AGBL1: variants seen among roughly 807,000 people sequenced by gnomAD.
The protein encoded by AGBL1 is AGBL carboxypeptidase 1, also known as cytosolic carboxypeptidase 4.
Under a neutral mutation model 118.9 loss-of-function variants are expected in AGBL1, and 130 were observed. The observed-to-expected ratio is 1.09, with a 90% CI of 0.95 to 1.26. The LOEUF is 1.26. Among genes scored for constraint, AGBL1 ranks in the 50% most tolerant of loss-of-function variants. AGBL1 has a pLI of 0.00. For synonymous variants in AGBL1, 555 were observed against 478.9 expected, an observed-to-expected ratio of 1.16 and a Z score of -2.08; for missense variants, 1,584 against 1,298.1, an observed-to-expected ratio of 1.22 and a Z score of -3.38.
chr15:86,946,933 C>T (rs1428801450), intron 23 of AGBL1, among the ~76,000 whole-genome samples: 2 of 151,632 alleles, frequency 1.3e-5, no homozygotes, highest in Admixed American at 1.3e-4. Context: ...TTCATCCCTT[C>T]GCATGTCCCC....
At chr15:86,713,185 C>G (rs551759236) in intron 22 of AGBL1, among the ~76,000 whole-genome samples, 1 of 152,140 alleles carries the variant, frequency 6.6e-6, no homozygotes, top group Non-Finnish European at 1.5e-5. Context: ...GAAAGGGAGG[C>G]TAAGTATAGC....
intron 24 of AGBL1, among the ~76,000 whole-genome samples, chr15:87,021,287 A>G (rs1234382821): frequency 6.6e-6 from 1 of 152,190 alleles, no homozygotes; most frequent in Non-Finnish European, 1.5e-5. Flanking sequence ...ACTGGCAGCC[A>G]TATGCAGAAA....
intron 15 of AGBL1, among the ~76,000 whole-genome samples, chr15:86,272,417 T>C (rs1243662609): frequency 6.6e-6 from 1 of 152,168 alleles, no homozygotes; most frequent in Non-Finnish European, 1.5e-5. Context: ...AGAATATATA[T>C]AATTAATTAT....
chr15:86,905,647 G>T (rs79295016), intron 22 of AGBL1, among the ~76,000 whole-genome samples: 3,305 of 152,290 alleles, frequency 0.022, 74 homozygotes, highest in Admixed American at 0.062. Flanking sequence ...AACTATTGAG[G>T]TATTATTATT....
intron 22 of AGBL1, among the ~76,000 whole-genome samples, chr15:86,884,443 C>A (rs1445683644): frequency 1.3e-5 from 2 of 152,196 alleles, no homozygotes; most frequent in Non-Finnish European, 2.9e-5. Flanking sequence ...CCGAGGTTGA[C>A]CTCATGTAAC....
At chr15:86,168,014 A>G (rs1209523287) in intron 5 of AGBL1, among the ~76,000 whole-genome samples, 6 of 152,224 alleles carry the variant, frequency 3.9e-5, no homozygotes, top group African/African-American at 1.4e-4. Flanking sequence ...GGTATTCAAT[A>G]AATGCCAGTT....
intron 24 of AGBL1, among the ~76,000 whole-genome samples, chr15:87,004,148 A>G (rs1218296551): frequency 6.6e-6 from 1 of 152,162 alleles, no homozygotes; most frequent in Non-Finnish European, 1.5e-5. Context: ...TATGTCCCAG[A>G]GATTCTGGTA....
intron 17 of AGBL1, 122 bp downstream of exon 17, chr15:86,295,530 T>C (rs933802005): frequency 9.7e-5 from 95 of 983,772 alleles, no homozygotes; most frequent in Non-Finnish European, 3.3e-5. Context: ...TCTGTCTTTG[T>C]AGAAATACAC....
intron 18 of AGBL1, among the ~76,000 whole-genome samples, chr15:86,418,157 C>A (rs188988976): frequency 7.2e-5 from 11 of 152,248 alleles, no homozygotes; most frequent in African/African-American, 2.6e-4. Flanking sequence ...ACAAGAATTT[C>A]TTTTATCTTT....
intron 21 of AGBL1, among the ~76,000 whole-genome samples, chr15:86,593,468 C>T (rs938666290): frequency 6.6e-6 from 1 of 152,028 alleles, no homozygotes; most frequent in African/African-American, 2.4e-5. Context: ...AGAGTATGTT[C>T]TAAGTTTTCT....
intron 22 of AGBL1, among the ~76,000 whole-genome samples, chr15:86,758,709 T>C (rs891594374): frequency 2.0e-5 from 3 of 151,876 alleles, no homozygotes; most frequent in Non-Finnish European, 4.4e-5. Context: ...TGGTGGCTCG[T>C]ACCCAAAATC....
At chr15:86,236,181 G>C (rs1363216015) in intron 6 of AGBL1, among the ~76,000 whole-genome samples, 3 of 152,008 alleles carry the variant, frequency 2.0e-5, no homozygotes, top group Non-Finnish European at 4.4e-5. Flanking sequence ...AGCTGCTCTG[G>C]GGACAATGGA....
At chr15:86,545,889 T>G in intron 19 of AGBL1, 113 bp from the exon 20 acceptor site, 1 of 1,315,190 alleles carries the variant, frequency 7.6e-7, no homozygotes, top group Non-Finnish European at 1.0e-6. Flanking sequence ...CCGAGAAAGT[T>G]GACATTGTAA....
chr15:86,214,637 C>T (rs1272397307), intron 5 of AGBL1, among the ~76,000 whole-genome samples: 3 of 152,252 alleles, frequency 2.0e-5, no homozygotes, highest in Non-Finnish European at 4.4e-5. Flanking sequence ...CCTTTCCCCT[C>T]AGACATTAGC....
At chr15:86,571,995 T>C (rs529315307) in intron 21 of AGBL1, among the ~76,000 whole-genome samples, 2 of 152,172 alleles carry the variant, frequency 1.3e-5, no homozygotes, top group Non-Finnish European at 2.9e-5. Context: ...CCATGCTTGT[T>C]GGTGCACAAA....
chr15:86,695,373 A>C (rs1198472304), intron 22 of AGBL1, among the ~76,000 whole-genome samples: 4 of 151,870 alleles, frequency 2.6e-5, no homozygotes, highest in Non-Finnish European at 4.4e-5. Context: ...TTTTTAGTTT[A>C]TGTGCACAAA....
chr15:86,277,372 A>C (rs2079274579), intron 15 of AGBL1, among the ~76,000 whole-genome samples: 1 of 151,638 alleles, frequency 6.6e-6, no homozygotes, highest in Non-Finnish European at 1.5e-5. Flanking sequence ...GATTTGACAT[A>C]GTCAGAACTA....
chr15:86,782,059 T>C (rs1343338575), intron 22 of AGBL1, among the ~76,000 whole-genome samples: 1 of 152,104 alleles, frequency 6.6e-6, no homozygotes, highest in Admixed American at 6.5e-5. Context: ...ACAAAAATTG[T>C]GACTCAAAAG....
At chr15:86,869,442 C>T (rs1290274123) in intron 22 of AGBL1, among the ~76,000 whole-genome samples, 1 of 151,990 alleles carries the variant, frequency 6.6e-6, no homozygotes, top group African/African-American at 2.4e-5. Flanking sequence ...CCTTCCTTAG[C>T]AATAAACATG....
Sources: gnomAD v4.1 joint callset for allele counts (sites outside exome capture counted in the v4.1 genomes callset) on GRCh38, gnomAD v4.1.1 for gene constraint, MANE v1.5 for transcripts, NCBI Gene and HGNC (gene_info 2026-07-23, HGNC 2026-07-21) for gene names.